The following TRIM44 variants were observed in gnomAD, a reference collection of about 807,000 sequenced individuals.
The protein encoded by TRIM44 is tripartite motif containing 44.
TRIM44 carries 13 observed loss-of-function variants against 37.4 expected under a neutral mutation model. The ratio of observed to expected loss-of-function variants is 0.35; its 90% CI spans 0.23 to 0.55. The LOEUF (loss-of-function observed/expected upper bound fraction) is 0.55. Among genes scored for constraint, TRIM44 ranks in the 20% least tolerant of loss-of-function variants. The pLI, the probability that TRIM44 is intolerant of heterozygous loss-of-function variation, is 0.89. For synonymous variants in TRIM44, 175 were observed against 157.2 expected (o/e 1.11, Z -0.85); for missense variants, 426 against 437.2 (o/e 0.97, Z 0.23).
chr11:35,803,732 A>T (rs1853400851), intron 4 of TRIM44, among the ~76,000 whole-genome samples: 1 of 152,152 alleles, frequency 6.6e-6, no homozygotes, highest in Admixed American at 6.5e-5. Flanking sequence ...AATATAAATA[A>T]ATAAAATGAG....
intron 1 of TRIM44, among the ~76,000 whole-genome samples, chr11:35,668,074 A>T (rs977496113): frequency 4.6e-5 from 7 of 152,198 alleles, no homozygotes; most frequent in African/African-American, 1.7e-4. Context: ...TGATTGGTAG[A>T]ACTGACCATG....
chr11:35,687,671 A>G (rs979419372), intron 2 of TRIM44, among the ~76,000 whole-genome samples: 7 of 152,198 alleles, frequency 4.6e-5, no homozygotes, highest in African/African-American at 1.4e-4. Context: ...TTATGAATGC[A>G]TGTAGTGCTT....
rs1203443321 is a variant in TRIM44, at chr11:35,680,537, AGT to A, written c.670-4717_670-4716del. ...TTTTATTTGCTATGTCGTATTCCAC[AGT>A]GTGTTAATTCCACAGTTTATTTAGC... is the stretch of plus-strand genomic sequence containing the variant. On this transcript the variant is annotated intron_variant, in intron 1 of 4. Coordinates refer to ENST00000299413, the MANE Select transcript of TRIM44 (RefSeq NM_017583.6). Among the ~76,000 whole-genome samples the A allele has an allele frequency of 2.0e-5, 3 of 152,098 alleles. No homozygotes were observed. In the East Asian group the frequency reaches 5.8e-4, roughly 29 times the overall value.
intron 2 of TRIM44, among the ~76,000 whole-genome samples, chr11:35,704,882 T>A (rs1851855212): frequency 1.3e-5 from 2 of 151,738 alleles, no homozygotes; most frequent in Non-Finnish European, 2.9e-5. Context: ...GCTAACATCA[T>A]AATGACAGGA....
At position 35,808,730 on chromosome 11, in the gene TRIM44, C is replaced by T. The variant is rs998960163; in HGVS notation, c.*2345C>T. On this transcript the variant is annotated 3_prime_UTR_variant, in exon 5 of 5. Transcript: ENST00000299413. ...TCTTCAGTACCTGATAAAACTTTAA[C>T]CAGGGAAGCATTAAACACAGTGCAG... 2.0e-5 allele frequency: 3 copies of T among 152,180 alleles called. No individual in the cohort carries two copies. Among genetic ancestry groups the T allele is most frequent in the Non-Finnish European group, 2.9e-5 (2 of 68,034 alleles). The allele number at this position is 152,180 out of a possible 1,614,324, so 9.4% of individuals were successfully genotyped here. A position where few individuals can be genotyped will look rare whatever the true frequency, so the allele number is the denominator to read the frequency against.
intron 4 of TRIM44, among the ~76,000 whole-genome samples, chr11:35,776,847 C>T (rs1457589043): frequency 3.9e-5 from 6 of 152,192 alleles, no homozygotes; most frequent in Non-Finnish European, 8.8e-5. Flanking sequence ...TGTTCTTTTA[C>T]ATTTGCTGAG....
At chr11:35,689,062 G>T (rs1185474998) in intron 2 of TRIM44, among the ~76,000 whole-genome samples, 1 of 152,182 alleles carries the variant, frequency 6.6e-6, no homozygotes, top group East Asian at 1.9e-4. Context: ...AAAAGAGGTG[G>T]GTTAGGAAGT....
chr11:35,769,754 A>G (rs531204628), intron 4 of TRIM44, among the ~76,000 whole-genome samples: 1 of 152,334 alleles, frequency 6.6e-6, no homozygotes, highest in African/African-American at 2.4e-5. Flanking sequence ...CTGGACATAC[A>G]GTTGGCTCTC....
At chr11:35,703,537 A>C (rs1427433571) in intron 2 of TRIM44, among the ~76,000 whole-genome samples, 1 of 152,158 alleles carries the variant, frequency 6.6e-6, no homozygotes, top group East Asian at 1.9e-4. Flanking sequence ...GACACCTCAC[A>C]CGGCCGGGTA....
At chr11:35,705,320 T>A (rs1376922310) in intron 2 of TRIM44, among the ~76,000 whole-genome samples, 1 of 152,086 alleles carries the variant, frequency 6.6e-6, no homozygotes, top group Non-Finnish European at 1.5e-5. Context: ...ATGGGAGACT[T>A]TAACACCCCA....
chr11:35,768,215 A>G (rs1427880744), intron 4 of TRIM44, among the ~76,000 whole-genome samples: 1 of 152,212 alleles, frequency 6.6e-6, no homozygotes, highest in East Asian at 1.9e-4. Flanking sequence ...TGAATTTAAG[A>G]AAGTTTTATT....
chr11:35,778,287 G>C (rs976295284), intron 4 of TRIM44, among the ~76,000 whole-genome samples: 1 of 152,102 alleles, frequency 6.6e-6, no homozygotes, highest in Admixed American at 6.5e-5. Context: ...TAGTTTTCGT[G>C]CCGTGGTTTT....
intron 4 of TRIM44, among the ~76,000 whole-genome samples, chr11:35,742,382 TG>T (rs991646420): frequency 2.8e-4 from 41 of 144,448 alleles, no homozygotes; most frequent in Admixed American, 3.6e-4. Context: ...TATATATATA[TG>T]GTCTATATAT....
At chr11:35,731,701 T>G (rs1281206746) in intron 3 of TRIM44, among the ~76,000 whole-genome samples, 1 of 152,204 alleles carries the variant, frequency 6.6e-6, no homozygotes, top group East Asian at 1.9e-4. Context: ...GTGTCTTTAT[T>G]TATATGTCAT....
intron 2 of TRIM44, among the ~76,000 whole-genome samples, chr11:35,707,650 C>G (rs188249028): frequency 6.8e-6 from 1 of 147,900 alleles, no homozygotes; most frequent in African/African-American, 2.4e-5. Flanking sequence ...CTGACAAAAA[C>G]AAGAGATGGG....
In TRIM44 at chr11:35,726,178, C is replaced by T. The variant is rs755917676; in HGVS notation, c.987+15C>T. On this transcript the variant is annotated intron_variant, in intron 3 of 4. Transcript: ENST00000299413. ...CAAAGGCAGAGGTAAAGGAAAAGCC[C>T]ATAATTATTAGTAGCAAGAGAAATA... is the stretch of plus-strand genomic sequence containing the variant. The T allele has an allele frequency of 1.2e-6, 2 of 1,610,534 alleles. No individual in the cohort carries two copies. The highest frequency in any genetic ancestry group is 1.7e-6 in the Non-Finnish European group (2 of 1,177,746).
intron 2 of TRIM44, among the ~76,000 whole-genome samples, chr11:35,696,411 G>C (rs1661433253): frequency 6.6e-6 from 1 of 151,254 alleles, no homozygotes; most frequent in Admixed American, 6.6e-5. Flanking sequence ...CAAAGTGCTG[G>C]GAATACAGGC....
At chr11:35,805,723 G>A (rs2133885831) in intron 4 of TRIM44, among the ~76,000 whole-genome samples, 1 of 152,322 alleles carries the variant, frequency 6.6e-6, no homozygotes, top group Middle Eastern at 3.4e-3. Context: ...CTTATATGCT[G>A]TAGTCATGGG....
At chr11:35,696,516 C>G (rs1017709367) in intron 2 of TRIM44, among the ~76,000 whole-genome samples, 1 of 151,972 alleles carries the variant, frequency 6.6e-6, no homozygotes, top group Non-Finnish European at 1.5e-5. Flanking sequence ...TCATCTGTCT[C>G]TTGTCTTTCC....
Sources: allele counts gnomAD v4.1 joint callset (sites outside exome capture counted in the v4.1 genomes callset), GRCh38; gene constraint gnomAD v4.1.1; transcripts MANE v1.5; gene names NCBI Gene and HGNC (gene_info 2026-07-23, HGNC 2026-07-21).